Variants in ANKRD50 observed in about 807,000 individuals in gnomAD.
ANKRD50 encodes ankyrin repeat domain-containing protein 50.
A neutral mutation model predicts 112.0 loss-of-function variants in ANKRD50; 40 were observed. That is an observed-to-expected ratio of 0.36 (90% CI 0.28 to 0.46). The LOEUF is 0.46. Ranked by LOEUF, ANKRD50 falls within the 20% of genes least tolerant of loss-of-function variation. The pLI is 1.00. For missense variants in ANKRD50, 1,487 were observed against 1,701.7 expected, an observed-to-expected ratio of 0.87 and a Z score of 2.22; for synonymous variants, 613 against 619.1, an observed-to-expected ratio of 0.99 and a Z score of 0.15.
rs139905352 is a variant in ANKRD50 at position 124,667,986 on chromosome 4, GA to G, written c.*4-473del. Among the ~76,000 whole-genome samples, 333 of 151,992 alleles carry G rather than the reference GA, an allele frequency of 2.2e-3. 2 individuals carry two copies. Among genetic ancestry groups the G allele is most frequent in the Middle Eastern group, 0.01 (3 of 294 alleles). ...TTACAAAGACAGAAGCAGCAAAAAG[GA>G]AAGAGTATATATAACTTTGTTAGAG... On this transcript the variant is annotated intron_variant, in intron 4 of 4. Transcript: ENST00000504087.
At chr4:124,668,937 G>T in intron 4 of ANKRD50, 47 bp downstream of exon 4, 2 of 1,518,820 alleles carry the variant, frequency 1.3e-6, no homozygotes, top group East Asian at 2.3e-5. Flanking sequence ...TCCAAGTAGA[G>T]GGAACTCTAC....
intron 2 of ANKRD50, among the ~76,000 whole-genome samples, chr4:124,704,902 G>C (rs1372689996): frequency 9.9e-5 from 15 of 152,166 alleles, no homozygotes; most frequent in Admixed American, 8.5e-4. Context: ...AGACCATCTT[G>C]GCTAACATGG....
intron 2 of ANKRD50, among the ~76,000 whole-genome samples, chr4:124,694,261 T>C (rs1725202263): frequency 6.6e-6 from 1 of 152,198 alleles, no homozygotes; most frequent in Non-Finnish European, 1.5e-5. Flanking sequence ...TAGAATACAA[T>C]TTGTCTCTGA....
intron 2 of ANKRD50, among the ~76,000 whole-genome samples, chr4:124,685,083 T>G (rs1724976392): frequency 6.6e-6 from 1 of 152,188 alleles, no homozygotes; most frequent in Admixed American, 6.6e-5. Context: ...TTTTGTAGCA[T>G]TTATCACATT....
intron 2 of ANKRD50, among the ~76,000 whole-genome samples, chr4:124,683,904 C>CTTTTTTTTTTT (rs5861676): frequency 8.9e-6 from 1 of 111,790 alleles, no homozygotes; most frequent in African/African-American, 3.4e-5. Flanking sequence ...ATACATCAGT[C>CTTTTTTTTTTT]TTTTTTTTTT....
At chr4:124,706,611 A>G (rs538852107) in intron 2 of ANKRD50, among the ~76,000 whole-genome samples, 4 of 152,244 alleles carry the variant, frequency 2.6e-5, no homozygotes, top group Non-Finnish European at 5.9e-5. Context: ...GAATCTGTGA[A>G]TAACTGAGAT....
chr4:124,670,176 T>A lies in ANKRD50; in HGVS notation c.3101A>T (p.His1034Leu). 1 of 1,612,722 alleles carries A rather than the reference T, an allele frequency of 6.2e-7. No homozygotes were observed. Among genetic ancestry groups the A allele is most frequent in the African/African-American group, 1.3e-5 (1 of 74,894 alleles). Residue 1034 changes from histidine to leucine, a missense_variant, in exon 4 of 5, where the codon CAT becomes CTT. Physicochemically the swap from His to Leu is moderately conservative, Grantham distance 99. This residue lies in a region of ANKRD50 where 1,046 missense variants were observed against 1,269.5 expected (regional missense o/e 0.82). Coordinates refer to ENST00000504087, the MANE Select transcript of ANKRD50 (RefSeq NM_020337.3). ...ACATGTATGGTCAACTACAGCACCA[T>A]GCTCAATCAGAAGCTGAACCACTTT... ...HVKVVQLLIE[H>L]GAVVDHTCNQ...
chr4:124,668,296 T>C (rs1560816082), intron 4 of ANKRD50, among the ~76,000 whole-genome samples: 1 of 152,046 alleles, frequency 6.6e-6, no homozygotes, highest in African/African-American at 2.4e-5. Flanking sequence ...CATCCATTTA[T>C]CATTTTTCAC....
intron 3 of ANKRD50, among the ~76,000 whole-genome samples, chr4:124,678,224 A>C (rs1192401375): frequency 6.6e-6 from 1 of 152,120 alleles, no homozygotes; most frequent in Non-Finnish European, 1.5e-5. Flanking sequence ...CCACAAGACA[A>C]AGAGTGTGTT....
chr4:124,686,232 T>A (rs892556416), intron 2 of ANKRD50, among the ~76,000 whole-genome samples: 2 of 152,220 alleles, frequency 1.3e-5, no homozygotes, highest in African/African-American at 4.8e-5. Flanking sequence ...ATTGTTTCTA[T>A]GAAACATCAG....
At chr4:124,706,370 T>C (rs1725503739) in intron 2 of ANKRD50, among the ~76,000 whole-genome samples, 1 of 152,108 alleles carries the variant, frequency 6.6e-6, no homozygotes, top group East Asian at 1.9e-4. Flanking sequence ...GGGAAGAAAG[T>C]GGCAATGTTT....
intron 2 of ANKRD50, among the ~76,000 whole-genome samples, chr4:124,698,479 C>A (rs1006820149): frequency 1.3e-5 from 2 of 151,504 alleles, no homozygotes; most frequent in Non-Finnish European, 2.9e-5. Flanking sequence ...GGGAGGTGGG[C>A]AGGGAGATAT....
In ANKRD50 at chr4:124,671,307, T is replaced by C; in HGVS notation, c.1970A>G (p.Glu657Gly). 1 of 1,613,822 alleles carries C rather than the reference T, an allele frequency of 6.2e-7. No individual in the cohort carries two copies. The highest frequency in any genetic ancestry group is 1.1e-5 in the South Asian group (1 of 91,076). The change falls in exon 4 of 5, where the codon GAG becomes GGG. Residue 657 changes from glutamate (E) to glycine (G), a missense_variant. Physicochemically the swap from Glu to Gly is moderately conservative, Grantham distance 98. Coordinates refer to ENST00000504087, the MANE Select transcript of ANKRD50 (RefSeq NM_020337.3). ...TTGTAGCAAATTCAGTACAATATCC[T>C]CGTGTCCTCCCCATGCTGCTGCTCT... is the stretch of plus-strand genomic sequence containing the variant. ...ALRAAAWGGH[E>G]DIVLNLLQHG... is the part of the protein sequence containing the mutation.
intron 2 of ANKRD50, among the ~76,000 whole-genome samples, chr4:124,686,242 G>C (rs1161619312): frequency 6.6e-6 from 1 of 152,116 alleles, no homozygotes; most frequent in Non-Finnish European, 1.5e-5. Flanking sequence ...TGAAACATCA[G>C]GTTTCAGCTC....
chr4:124,679,206 C>A (rs1724816542), intron 2 of ANKRD50, among the ~76,000 whole-genome samples: 1 of 152,086 alleles, frequency 6.6e-6, no homozygotes, highest in Non-Finnish European at 1.5e-5. Flanking sequence ...TATTCCCTTT[C>A]TGATTGTTTT....
Position 124,671,190 on chromosome 4 carries a change from A to T in ANKRD50, c.2087T>A (p.Leu696Gln). 1 of 1,613,870 alleles carries T rather than the reference A, an allele frequency of 6.2e-7. No homozygotes were observed. The highest frequency in any genetic ancestry group is 8.5e-7 in the Non-Finnish European group (1 of 1,179,860). Residue 696 changes from leucine to glutamine, a missense_variant, in exon 4 of 5, where the codon CTA (leucine) becomes CAA (glutamine). This residue lies in a region of ANKRD50 where 1,046 missense variants were observed against 1,269.5 expected (regional missense o/e 0.82). Transcript: ENST00000504087. Reference protein sequence around the residue: ...YMGHREIVEHLLDHGAEVNHE... With the variant: ...YMGHREIVEHQLDHGAEVNHE... Reference sequence around the variant, plus strand: ...ATTTACTTCTGCTCCATGGTCCAGTAGGTGTTCCACAATCTCTCTATGTCC... The same window carrying T: ...ATTTACTTCTGCTCCATGGTCCAGTTGGTGTTCCACAATCTCTCTATGTCC...
intron 2 of ANKRD50, among the ~76,000 whole-genome samples, chr4:124,682,094 A>G (rs1002503588): frequency 3.9e-5 from 6 of 152,058 alleles, no homozygotes; most frequent in African/African-American, 1.4e-4. Context: ...AGGCGGGTGG[A>G]TCACGAGGTC....
Position 124,671,156 on chromosome 4 carries a change from A to T in ANKRD50, c.2121T>A (p.Asp707Glu), listed in dbSNP as rs1267557845. Reference sequence around the variant, plus strand: ...CAGAGAGTGCAGTCCTGCCATCAACATCCTCATGATTTACTTCTGCTCCAT... The same window carrying T: ...CAGAGAGTGCAGTCCTGCCATCAACTTCCTCATGATTTACTTCTGCTCCAT... The part of the protein sequence containing the change: ...LDHGAEVNHE[D>E]VDGRTALSVA... The change falls in exon 4 of 5, where the codon GAT (aspartate) becomes GAA (glutamate). Residue 707 changes from aspartate to glutamate, a missense_variant. This residue lies in a region of ANKRD50 where 1,046 missense variants were observed against 1,269.5 expected (regional missense o/e 0.82). Transcript: ENST00000504087. The T allele has an allele frequency of 6.2e-7, 1 of 1,613,808 alleles. No homozygotes were observed. The highest frequency in any genetic ancestry group is 1.1e-5 in the South Asian group (1 of 91,076).
rs1383198070 is a variant in ANKRD50, at chr4:124,712,569, A to T, written c.-875T>A. 3 of 153,076 alleles carry T rather than the reference A, an allele frequency of 2.0e-5. No homozygotes were observed. The highest frequency in any genetic ancestry group is 4.4e-5 in the Non-Finnish European group (3 of 68,462). The allele number at this position is 153,076 out of a possible 1,614,324, so 9.5% of individuals were successfully genotyped here. ...AGCAGCGCTCCCAAGACTCCACTCC[A>T]ACTGCAGCCGCCTCCTCCGCCGGGC... On this transcript the variant is annotated 5_prime_UTR_variant, in exon 1 of 5. Transcript: ENST00000504087.
Sources: allele counts gnomAD v4.1 joint callset (sites outside exome capture counted in the v4.1 genomes callset), GRCh38; gene constraint gnomAD v4.1.1; regional missense constraint gnomAD v4.1.1; transcripts MANE v1.5; gene names NCBI Gene and HGNC (gene_info 2026-07-23, HGNC 2026-07-21).